HS3ST5: variants seen among roughly 807,000 people sequenced by gnomAD.
The protein encoded by HS3ST5 is heparan sulfate-glucosamine 3-sulfotransferase 5.
Under a neutral mutation model 25.4 loss-of-function variants are expected in HS3ST5, and 10 were observed. The ratio of observed to expected loss-of-function variants is 0.39; its 90% CI spans 0.24 to 0.67. The LOEUF (loss-of-function observed/expected upper bound fraction) is 0.67, where lower values mean the gene tolerates loss of function less well. Among genes scored for constraint, HS3ST5 ranks in the 30% least tolerant of loss-of-function variants. The pLI is 0.44. For synonymous variants in HS3ST5, 170 were observed against 162.4 expected (o/e 1.05, Z -0.36); for missense variants, 324 against 420.7 (o/e 0.77, Z 2.01).
chr6:114,271,680 CAT>C (rs1168453642), intron 1 of HS3ST5, among the ~76,000 whole-genome samples: 3 of 152,078 alleles, frequency 2.0e-5, no homozygotes, highest in Non-Finnish European at 4.4e-5. Context: ...TTGCCTCCCA[CAT>C]GATTGAATTC....
At chr6:114,256,382 C>T (rs942161066) in intron 1 of HS3ST5, among the ~76,000 whole-genome samples, 1 of 149,786 alleles carries the variant, frequency 6.7e-6, no homozygotes, top group South Asian at 2.2e-4. Context: ...AGCAAGACTC[C>T]CTCTCAAAAA....
At chr6:114,062,157 G>C (rs986733265) in intron 4 of HS3ST5, among the ~76,000 whole-genome samples, 1 of 152,030 alleles carries the variant, frequency 6.6e-6, no homozygotes, top group Non-Finnish European at 1.5e-5. Flanking sequence ...TCTCTCCATG[G>C]ATTTCCCATT....
chr6:114,309,055 A>G (rs116744671), intron 1 of HS3ST5, among the ~76,000 whole-genome samples: 2,802 of 152,282 alleles, frequency 0.018, 77 homozygotes, highest in African/African-American at 0.064. Context: ...TGGGACGTCA[A>G]TAATATAAAA....
At chr6:114,285,019 T>C (rs1420911408) in intron 1 of HS3ST5, among the ~76,000 whole-genome samples, 2 of 152,014 alleles carry the variant, frequency 1.3e-5, no homozygotes, top group Non-Finnish European at 2.9e-5. Context: ...TTTTACAAAC[T>C]AAAATAGATT....
At chr6:114,202,239 G>C (rs1433301302) in intron 2 of HS3ST5, among the ~76,000 whole-genome samples, 1 of 152,154 alleles carries the variant, frequency 6.6e-6, no homozygotes, top group Non-Finnish European at 1.5e-5. Flanking sequence ...GGGCAACACA[G>C]CCAAGACCTC....
rs148336643 is a variant in HS3ST5, at chr6:114,167,872, T to C, written c.-33+479A>G. 2.0e-5 allele frequency among the ~76,000 whole-genome samples: 3 copies of C among 152,234 alleles called. No homozygotes were observed. In the East Asian group the frequency reaches 5.8e-4, roughly 29 times the overall value. ...AATGGGGATGAGGAAATCGGCAAGA[T>C]TGTTGTGATGTGGGTGACCTTTGAG... On this transcript the variant is annotated intron_variant, in intron 3 of 4. Coordinates refer to ENST00000312719, the MANE Select transcript of HS3ST5 (RefSeq NM_153612.4).
intron 2 of HS3ST5, among the ~76,000 whole-genome samples, chr6:114,187,055 A>G (rs1236813339): frequency 6.6e-6 from 1 of 152,188 alleles, no homozygotes; most frequent in Non-Finnish European, 1.5e-5. Flanking sequence ...TTCCTTCCAA[A>G]AGATCACTGC....
intron 2 of HS3ST5, among the ~76,000 whole-genome samples, chr6:114,212,293 T>C (rs1424513408): frequency 6.6e-6 from 1 of 152,236 alleles, no homozygotes; most frequent in Non-Finnish European, 1.5e-5. Flanking sequence ...AAATTCCTAA[T>C]ATATTTTCTC....
At chr6:114,204,249 C>T (rs763467434) in intron 2 of HS3ST5, among the ~76,000 whole-genome samples, 15 of 152,094 alleles carry the variant, frequency 9.9e-5, no homozygotes, top group Admixed American at 7.2e-4. Context: ...TTGGGAGAGA[C>T]AGTGGTGGGA....
At chr6:114,264,736 T>C (rs1220867050) in intron 1 of HS3ST5, among the ~76,000 whole-genome samples, 1 of 152,132 alleles carries the variant, frequency 6.6e-6, no homozygotes. Context: ...TGGGATGCCT[T>C]GAAAGTCCAG....
At chr6:114,290,156 GGTT>G (rs1162775060) in intron 1 of HS3ST5, among the ~76,000 whole-genome samples, 4 of 152,054 alleles carry the variant, frequency 2.6e-5, no homozygotes, top group Non-Finnish European at 5.9e-5. Flanking sequence ...GGTTTTTTGT[GGTT>G]GTTGTTGTTT....
chr6:114,144,835 C>T (rs766618010), intron 3 of HS3ST5, among the ~76,000 whole-genome samples: 19 of 152,154 alleles, frequency 1.2e-4, no homozygotes, highest in South Asian at 2.1e-4. Context: ...AAATGAGTAA[C>T]GTTTGTATAG....
chr6:114,297,041 G>C (rs1774854303), intron 1 of HS3ST5, among the ~76,000 whole-genome samples: 1 of 152,110 alleles, frequency 6.6e-6, no homozygotes, highest in Admixed American at 6.6e-5. Context: ...TTCTGGATCA[G>C]AATCAGCAAA....
intron 1 of HS3ST5, among the ~76,000 whole-genome samples, chr6:114,312,153 T>C (rs1471120770): frequency 5.3e-5 from 8 of 152,236 alleles, no homozygotes; most frequent in South Asian, 2.1e-4. Context: ...CATGTTACTA[T>C]GTTTCCAAGT....
chr6:114,137,102 T>A (rs1418837774), intron 3 of HS3ST5, among the ~76,000 whole-genome samples: 1 of 152,126 alleles, frequency 6.6e-6, no homozygotes, highest in Non-Finnish European at 1.5e-5. Flanking sequence ...ATAGCAATCT[T>A]GTTTCGATGA....
intron 1 of HS3ST5, among the ~76,000 whole-genome samples, chr6:114,316,175 C>A (rs1214164819): frequency 6.6e-6 from 1 of 152,176 alleles, no homozygotes; most frequent in Non-Finnish European, 1.5e-5. Context: ...CATCAGTGAG[C>A]AAGGATCCTC....
chr6:114,264,886 G>T (rs1773336495), intron 1 of HS3ST5, among the ~76,000 whole-genome samples: 1 of 152,016 alleles, frequency 6.6e-6, no homozygotes, highest in Non-Finnish European at 1.5e-5. Flanking sequence ...GTTGGGGTTT[G>T]TTTTGTTTTT....
chr6:114,231,176 G>T (rs1446243126), intron 1 of HS3ST5, among the ~76,000 whole-genome samples: 1 of 151,952 alleles, frequency 6.6e-6, no homozygotes, highest in Non-Finnish European at 1.5e-5. Context: ...TCTTTTATGG[G>T]TTCATAACTA....
At chr6:114,156,722 CCTT>C (rs1006985219) in intron 3 of HS3ST5, among the ~76,000 whole-genome samples, 27 of 152,054 alleles carry the variant, frequency 1.8e-4, no homozygotes, top group African/African-American at 6.3e-4. Flanking sequence ...CCTTTCATTC[CCTT>C]CTTCTAGAAA....
Sources: allele counts gnomAD v4.1 joint callset (sites outside exome capture counted in the v4.1 genomes callset), GRCh38; gene constraint gnomAD v4.1.1; transcripts MANE v1.5; gene names NCBI Gene and HGNC (gene_info 2026-07-23, HGNC 2026-07-21).